ADAM2: variants seen among roughly 807,000 people sequenced by gnomAD.
The protein encoded by ADAM2 is ADAM metallopeptidase domain 2.
ADAM2 carries 101 observed loss-of-function variants against 99.3 expected under a neutral mutation model. That is an observed-to-expected ratio of 1.02 (90% confidence interval 0.87 to 1.20). The LOEUF is 1.20. ADAM2 is among the 50% of genes most tolerant of loss of function. ADAM2 has a pLI of 0.00. For synonymous variants in ADAM2, 323 were observed against 287.6 expected, an observed-to-expected ratio of 1.12 and a Z score of -1.25; for missense variants, 948 against 878.7, an observed-to-expected ratio of 1.08 and a Z score of -1.00.
chr8:39,822,768 T>C (rs1329644041), intron 4 of ADAM2, among the ~76,000 whole-genome samples: 1 of 151,866 alleles, frequency 6.6e-6, no homozygotes, highest in East Asian at 1.9e-4. Context: ...TTTTGTTTTG[T>C]TTTTTGTTTT....
chr8:39,821,339 C>T (rs545897975), intron 5 of ADAM2, among the ~76,000 whole-genome samples, 169 bp from the exon 6 acceptor site: 6 of 152,126 alleles, frequency 3.9e-5, no homozygotes, highest in Admixed American at 6.5e-5. Context: ...TGAGTGACAC[C>T]GCATAGTAAT....
chr8:39,773,352 G>GGTTTAAAATCA (rs1447940015), intron 11 of ADAM2, among the ~76,000 whole-genome samples: 2 of 151,700 alleles, frequency 1.3e-5, no homozygotes, highest in African/African-American at 4.8e-5. Context: ...AAAGAAGGGA[G>GGTTTAAAATCA]GTTATTTGAA....
chr8:39,768,734 A>T (rs1802661299), intron 12 of ADAM2, among the ~76,000 whole-genome samples: 1 of 152,172 alleles, frequency 6.6e-6, no homozygotes, highest in Admixed American at 6.5e-5. Flanking sequence ...AAAAGATTGA[A>T]CCTACATCAA....
rs111291747 is a variant in ADAM2, at chr8:39,793,313, G to A, written c.571-4573C>T. Among the ~76,000 whole-genome samples, 527 of 152,248 alleles carry A rather than the reference G, an allele frequency of 3.5e-3. 2 individuals carry two copies. Among genetic ancestry groups the A allele is most frequent in the South Asian group, 0.014 (67 of 4,828 alleles). The stretch of plus-strand genomic sequence containing the variant: ...TGCAAAATGAGAGCAGCCATCTGTA[G>A]ATTGTTATTAAGAAATAGAATGAAT... On this transcript the variant is annotated intron_variant, in intron 7 of 20. Transcript: ENST00000265708.
chr8:39,811,709 CT>C (rs1219438058), intron 6 of ADAM2, among the ~76,000 whole-genome samples: 1 of 152,124 alleles, frequency 6.6e-6, no homozygotes, highest in African/African-American at 2.4e-5. Context: ...CAGAAAAGGC[CT>C]TCGACAAAAT....
intron 12 of ADAM2, 125 bp from the exon 13 acceptor site, chr8:39,767,376 G>GA (rs1374402593): frequency 6.1e-6 from 5 of 823,406 alleles, no homozygotes; most frequent in Non-Finnish European, 9.7e-6. Flanking sequence ...TTGGCAAACA[G>GA]AAAAATAAAA....
At chr8:39,818,106 C>A (rs1586149938) in intron 6 of ADAM2, 1 of 151,870 alleles carries the variant, frequency 6.6e-6, no homozygotes, top group South Asian at 2.1e-4. Context: ...ATACCAAAGA[C>A]AGAGAAAAAT....
chr8:39,813,787 A>G, intron 6 of ADAM2, among the ~76,000 whole-genome samples: 1 of 148,546 alleles, frequency 6.7e-6, no homozygotes, highest in Non-Finnish European at 1.5e-5. Context: ...GCGGGCGGGG[A>G]GGGATAACAT....
chr8:39,778,667 AAGG>A (rs1296603425), intron 10 of ADAM2, among the ~76,000 whole-genome samples: 2 of 152,004 alleles, frequency 1.3e-5, no homozygotes, highest in South Asian at 2.1e-4. Context: ...TAGGAAGAAG[AAGG>A]AGGAGGACGA....
At chr8:39,748,570 A>G (rs572501390) in intron 18 of ADAM2, among the ~76,000 whole-genome samples, 1 of 152,290 alleles carries the variant, frequency 6.6e-6, no homozygotes, top group South Asian at 2.1e-4. Flanking sequence ...TATATCAAAG[A>G]AAATCTCCTG....
At chr8:39,759,189 C>G (rs898426953) in intron 15 of ADAM2, among the ~76,000 whole-genome samples, 2 of 151,876 alleles carry the variant, frequency 1.3e-5, no homozygotes, top group African/African-American at 2.4e-5. Flanking sequence ...ATGTCCAATA[C>G]TGAAAGAAAA....
At chr8:39,769,628 T>C (rs1488306509) in intron 11 of ADAM2, 53 bp from the exon 12 acceptor site, 4 of 1,259,094 alleles carry the variant, frequency 3.2e-6, no homozygotes, top group African/African-American at 3.0e-5. Flanking sequence ...ATAAACTACC[T>C]ACCCTTAGAA....
At position 39,761,270 on chromosome 8, in the gene ADAM2, C is replaced by G; in HGVS notation, c.1519G>C (p.Gly507Arg). The part of the protein sequence containing the change: ...TDTFGKEVEF[G>R]PSECYSHLNS... The stretch of plus-strand genomic sequence containing the variant: ...AGGTGAGAATAACATTCTGAAGGGC[C>G]AAACTCTACTTCTGAAAATAAAAAG... The change falls in exon 15 of 21, where the codon GGC becomes CGC. Residue 507 changes from glycine to arginine, a missense_variant. Transcript: ENST00000265708. 1 of 1,591,360 alleles carries G rather than the reference C, an allele frequency of 6.3e-7. No individual in the cohort carries two copies. The highest frequency in any genetic ancestry group is 1.7e-5 in the Admixed American group (1 of 57,994).
Position 39,767,243 on chromosome 8 carries a change from G to C in ADAM2, c.1221C>G (p.Ala407=). Reference sequence around the variant, plus strand: ...TATCACAGCATGTTTCTCCAATAAGGGCACAATCCTGTAAGGCAAATCAAA... The same window carrying C: ...TATCACAGCATGTTTCTCCAATAAGCGCACAATCCTGTAAGGCAAATCAAA... ...ECDCGTEQDC[A]LIGETCCDIA... The change falls in exon 13 of 21, where the codon GCC becomes GCG. Residue 407 remains alanine, a synonymous_variant. Coordinates refer to ENST00000265708, the MANE Select transcript of ADAM2 (RefSeq NM_001464.5). 6.2e-7 allele frequency: 1 copy of C among 1,605,268 alleles called. No homozygotes were observed. The highest frequency in any genetic ancestry group is 1.1e-5 in the South Asian group (1 of 89,586).
chr8:39,793,505 A>C (rs942843838), intron 7 of ADAM2, among the ~76,000 whole-genome samples: 3 of 152,158 alleles, frequency 2.0e-5, no homozygotes, highest in Non-Finnish European at 4.4e-5. Context: ...TAGAGATTAC[A>C]ATGAGAAACC....
chr8:39,837,005 C>A lies in ADAM2; in HGVS notation c.132+131G>T, dbSNP rs1805851080. The A allele has an allele frequency of 4.8e-6, 3 of 628,160 alleles. No homozygotes were observed. The Admixed American group carries it at 1.1e-4, about 23-fold the overall frequency. 38.9% of individuals were successfully genotyped at this position (628,160 alleles called of 1,614,324 possible). On this transcript the variant is annotated intron_variant, in intron 2 of 20. Transcript: ENST00000265708. ...CTGGTTCATTTTCAAAAGGGCTTTTCCATTCAGGGAAAATTTGGTATAAAT... is the reference window on the plus strand; with the variant it reads ...CTGGTTCATTTTCAAAAGGGCTTTTACATTCAGGGAAAATTTGGTATAAAT...
rs1027820856 is a variant in ADAM2 at position 39,809,806 on chromosome 8, C to T, written c.514-340G>A. On this transcript the variant is annotated intron_variant, in intron 6 of 20. Transcript: ENST00000265708. ...AGCACTAAACATGGAAAGGAAAAAC[C>T]GGTACCAGCCACTGCAAAAACATGC... 1.1e-4 allele frequency among the ~76,000 whole-genome samples: 16 copies of T among 152,074 alleles called. No individual in the cohort carries two copies. In the South Asian group the frequency reaches 1.2e-3, roughly 12 times the overall value.
At chr8:39,788,588 A>C in intron 8 of ADAM2, 81 bp downstream of exon 8, 2 of 938,458 alleles carry the variant, frequency 2.1e-6, no homozygotes, top group Non-Finnish European at 3.2e-6. Flanking sequence ...CAACGTGTGG[A>C]TTCATGTAGT....
At chr8:39,806,412 C>A (rs1804444013) in intron 7 of ADAM2, among the ~76,000 whole-genome samples, 1 of 150,720 alleles carries the variant, frequency 6.6e-6, no homozygotes, top group South Asian at 2.1e-4. Context: ...AATTGCCCAA[C>A]TATATTATAT....
Sources: allele counts gnomAD v4.1 joint callset (sites outside exome capture counted in the v4.1 genomes callset), GRCh38; gene constraint gnomAD v4.1.1; transcripts MANE v1.5; gene names NCBI Gene and HGNC (gene_info 2026-07-23, HGNC 2026-07-21).